KRT8: variants seen among roughly 807,000 people sequenced by gnomAD.
KRT8 encodes keratin, type II cytoskeletal 8.
Under a neutral mutation model 43.0 loss-of-function variants are expected in KRT8, and 24 were observed. The ratio of observed to expected loss-of-function variants is 0.56; its 90% CI spans 0.40 to 0.78. KRT8 has a LOEUF of 0.78. Ranked by LOEUF, KRT8 falls within the 30% of genes least tolerant of loss-of-function variation. The pLI, the probability that KRT8 is intolerant of heterozygous loss-of-function variation, is 0.00. For synonymous variants in KRT8, 214 were observed against 261.2 expected, an observed-to-expected ratio of 0.82 and a Z score of 1.74; for missense variants, 492 against 638.4, an observed-to-expected ratio of 0.77 and a Z score of 2.47.
chr12:52,928,432 C>T (rs990652513), intron 2 of KRT8, among the ~76,000 whole-genome samples: 2 of 152,136 alleles, frequency 1.3e-5, no homozygotes, highest in African/African-American at 4.8e-5. Flanking sequence ...ATGGCACTTC[C>T]TCTGCCCAGG....
intron 2 of KRT8, among the ~76,000 whole-genome samples, chr12:52,929,676 A>C (rs1308379503): frequency 6.6e-6 from 1 of 152,064 alleles, no homozygotes; most frequent in Non-Finnish European, 1.5e-5. Flanking sequence ...ATGCACAATC[A>C]GAGATTGCTA....
At chr12:52,905,217 G>T, upstream of KRT8, 2 of 656,212 alleles carry the variant, frequency 3.0e-6, no homozygotes, top group Non-Finnish European at 4.9e-6. Context: ...GCAGAGAGCT[G>T]CCGCCACCCA....
chr12:52,949,044 G>A (rs940645676), intron 2 of KRT8: 2 of 877,024 alleles, frequency 2.3e-6, no homozygotes, highest in African/African-American at 1.7e-5. Flanking sequence ...CTGTGGCTCC[G>A]GCTTCCGAAG....
chr12:52,925,348 GA>G (rs1157342674), intron 2 of KRT8, among the ~76,000 whole-genome samples: 1 of 149,874 alleles, frequency 6.7e-6, no homozygotes, highest in Admixed American at 6.6e-5. Flanking sequence ...GGCTCAGGCT[GA>G]GTCAGGGCTG....
chr12:52,938,168 A>T lies in KRT8; in HGVS notation c.-47+11288T>A, dbSNP rs1245304320. ...TATATATATATATATATATATATAT[A>T]TATTTTTTTTTTTTTTTATATATAA... On this transcript the variant is annotated intron_variant, in intron 2 of 6. Transcript: ENST00000546826. Among the ~76,000 whole-genome samples, 316 of 35,354 alleles carry T rather than the reference A, an allele frequency of 8.9e-3. 6 individuals are homozygous for T. The highest frequency in any genetic ancestry group is 0.035 in the South Asian group (41 of 1,168). 23.2% of individuals were successfully genotyped at this position (35,354 alleles called of 152,430 possible).
chr12:52,945,754 T>C (rs547685210), intron 2 of KRT8, among the ~76,000 whole-genome samples: 42 of 151,460 alleles, frequency 2.8e-4, no homozygotes, highest in African/African-American at 7.5e-4. Flanking sequence ...TCTTTCCGGA[T>C]TCCCCCCTGC....
rs1224285878 is a variant in KRT8 at position 52,917,730 on chromosome 12, T to A, written c.-46-12703A>T. Among the ~76,000 whole-genome samples, 7 of 115,652 alleles carry A rather than the reference T, an allele frequency of 6.1e-5. No individual in the cohort carries two copies. The East Asian group carries it at 1.0e-3, about 17-fold the overall frequency. 75.9% of individuals were successfully genotyped at this position (115,652 alleles called of 152,430 possible). ...TCTCAAAAAAAAAAAAAAAAAAAAA[T>A]TCGCCAGGCGTTGTGGCAGGTGCCT... On this transcript the variant is annotated intron_variant, in intron 2 of 6. Coordinates refer to the KRT8 transcript ENST00000546826.
intron 2 of KRT8, among the ~76,000 whole-genome samples, chr12:52,941,606 A>AG (rs1210305676): frequency 1.7e-4 from 25 of 145,646 alleles, no homozygotes; most frequent in African/African-American, 5.9e-4. Flanking sequence ...CTCCTACCTC[A>AG]GCCTCCCGAG....
At chr12:52,918,693 T>G (rs570614883) in intron 2 of KRT8, among the ~76,000 whole-genome samples, 18 of 152,150 alleles carry the variant, frequency 1.2e-4, no homozygotes, top group Middle Eastern at 3.2e-3. Context: ...GATCATCAGG[T>G]AAGGAACAGT....
At chr12:52,938,527 A>G (rs914995501) in intron 2 of KRT8, among the ~76,000 whole-genome samples, 13 of 151,928 alleles carry the variant, frequency 8.6e-5, no homozygotes, top group African/African-American at 3.1e-4. Context: ...ATGTAATCCC[A>G]GCATTTTGGG....
At chr12:52,915,102 G>T (rs774041388) in intron 2 of KRT8, among the ~76,000 whole-genome samples, 45 of 152,106 alleles carry the variant, frequency 3.0e-4, no homozygotes, top group Non-Finnish European at 4.4e-4. Context: ...GGCCAGGCGC[G>T]GTGGCTCACG....
At chr12:52,925,874 G>C (rs1035445370) in intron 2 of KRT8, among the ~76,000 whole-genome samples, 32 of 152,144 alleles carry the variant, frequency 2.1e-4, no homozygotes, top group African/African-American at 7.5e-4. Flanking sequence ...TTCCAGGGCT[G>C]CGTTTCTCTC....
At chr12:52,936,185 C>T (rs913935013) in intron 2 of KRT8, among the ~76,000 whole-genome samples, 2 of 151,714 alleles carry the variant, frequency 1.3e-5, no homozygotes, top group East Asian at 3.9e-4. Context: ...CTGGGAGGCA[C>T]AGGTTGCGGT....
At chr12:52,933,419 G>A (rs1942116378) in intron 2 of KRT8, among the ~76,000 whole-genome samples, 1 of 152,146 alleles carries the variant, frequency 6.6e-6, no homozygotes, top group African/African-American at 2.4e-5. Context: ...AATTAAAGAT[G>A]TATATGAATG....
At chr12:52,938,170 ATTTTTTTTTTTTTT>A (rs780140219) in intron 2 of KRT8, among the ~76,000 whole-genome samples, 58 of 30,152 alleles carry the variant, frequency 1.9e-3, no homozygotes, top group South Asian at 2.7e-3. Flanking sequence ...ATATATATAT[ATTTTTTTTTTTTTT>A]TATATATAAG....
intron 2 of KRT8, among the ~76,000 whole-genome samples, chr12:52,936,580 T>G (rs1457568032): frequency 6.6e-6 from 1 of 152,166 alleles, no homozygotes; most frequent in Non-Finnish European, 1.5e-5. Flanking sequence ...TGGCGCAATC[T>G]GCACTCACTG....
At chr12:52,915,478 CG>C (rs2120630564) in intron 2 of KRT8, among the ~76,000 whole-genome samples, 1 of 151,756 alleles carries the variant, frequency 6.6e-6, no homozygotes, top group East Asian at 1.9e-4. Context: ...GAGGCTGAGG[CG>C]GGTGGATCAC....
chr12:52,902,341 A>G, intron 1 of KRT8: 1 of 493,434 alleles, frequency 2.0e-6, no homozygotes, highest in Non-Finnish European at 3.7e-6. Flanking sequence ...GCAAACCAAT[A>G]GGCCTAACTT....
In KRT8 at chr12:52,901,158, C is replaced by A. The variant is rs1398663217; in HGVS notation, c.594+1G>T. On this transcript the variant is annotated splice_donor_variant, in intron 3 of 7. Transcript: ENST00000692008. LOFTEE classifies it high-confidence loss of function. ...AGATAGGAGAAGGGAGACTCCCTCA[C>A]CTTCTTGATGAGGACAAATTCGTTC... The A allele has an allele frequency of 5.0e-6, 8 of 1,602,864 alleles. No individual in the cohort carries two copies.
Sources: gnomAD v4.1 joint callset for allele counts (sites outside exome capture counted in the v4.1 genomes callset) on GRCh38, gnomAD v4.1.1 for gene constraint, MANE v1.5 for transcripts, NCBI Gene and HGNC (gene_info 2026-07-23, HGNC 2026-07-21) for gene names.